The following AGBL1 variants were observed in gnomAD, a reference collection of about 807,000 sequenced individuals.
AGBL1 encodes the protein AGBL carboxypeptidase 1.
AGBL1 carries 130 observed loss-of-function variants against 118.9 expected under a neutral mutation model. The observed-to-expected ratio is 1.09, with a 90% confidence interval of 0.95 to 1.26. The LOEUF (loss-of-function observed/expected upper bound fraction) is 1.26. Among genes scored for constraint, AGBL1 ranks in the 50% most tolerant of loss-of-function variants. The pLI is 0.00. For synonymous variants in AGBL1, 555 were observed against 478.9 expected, an observed-to-expected ratio of 1.16 and a Z score of -2.08; for missense variants, 1,584 against 1,298.1, an observed-to-expected ratio of 1.22 and a Z score of -3.38.
At position 87,002,082 on chromosome 15, in the gene AGBL1, G is replaced by C. The variant is rs563341766; in HGVS notation, c.3323+13994G>C. On this transcript the variant is annotated intron_variant, in intron 24 of 24. Transcript: ENST00000441037. ...CCTATGTCCTCAATGGTATTGCCTAGGTTTTCTTCTAGGGTTTTTATGGTT... is the reference window on the plus strand; with the variant it reads ...CCTATGTCCTCAATGGTATTGCCTACGTTTTCTTCTAGGGTTTTTATGGTT... 4.5e-4 allele frequency among the ~76,000 whole-genome samples: 68 copies of C among 152,120 alleles called. 1 individual carries two copies. In the South Asian group the frequency reaches 0.014, roughly 31 times the overall value.
chr15:86,466,999 T>G (rs963665521), intron 18 of AGBL1, among the ~76,000 whole-genome samples: 2 of 152,248 alleles, frequency 1.3e-5, no homozygotes, highest in African/African-American at 4.8e-5. Flanking sequence ...GCTGGAGCAC[T>G]GTGCTGGGAG....
intron 21 of AGBL1, among the ~76,000 whole-genome samples, chr15:86,661,357 C>G (rs1450501311): frequency 6.6e-6 from 1 of 152,024 alleles, no homozygotes; most frequent in Non-Finnish European, 1.5e-5. Context: ...GAGTCACCTT[C>G]AAGAATTCAG....
At chr15:86,286,457 T>C (rs899176763) in intron 16 of AGBL1, among the ~76,000 whole-genome samples, 1 of 152,008 alleles carries the variant, frequency 6.6e-6, no homozygotes, top group African/African-American at 2.4e-5. Context: ...CATCTCTCCA[T>C]TCCTCCCCCT....
At position 86,527,932 on chromosome 15, in the gene AGBL1, C is replaced by G. The variant is rs1224125825; in HGVS notation, c.2685+4993C>G. ...TCTGTCCATCCACTCACCTAGCCAT[C>G]CATCATCCATTCATCCATCCAACCA... is the stretch of plus-strand genomic sequence containing the variant. On this transcript the variant is annotated intron_variant, in intron 19 of 22. Transcript: ENST00000614907. 2.6e-5 allele frequency among the ~76,000 whole-genome samples: 4 copies of G among 152,208 alleles called. No individual in the cohort carries two copies. The South Asian group carries it at 8.3e-4, about 32-fold the overall frequency.
rs11355715 is a variant in AGBL1, at chr15:86,946,843, CAAAA to C, written c.3222-41129_3222-41126del. On this transcript the variant is annotated intron_variant, in intron 23 of 24. Transcript: ENST00000441037. ...TGGGCAACGAGAGTGAAACTCGGTC[CAAAA>C]AAAAAAAAAAAAAACAAAATAGAAA... Among the ~76,000 whole-genome samples, 8 of 100,148 alleles carry C rather than the reference CAAAA, an allele frequency of 8.0e-5. No individual in the cohort carries two copies. The South Asian group carries it at 2.7e-3, about 33-fold the overall frequency. The allele number at this position is 100,148 out of a possible 152,430, so 65.7% of individuals were successfully genotyped here. A position where few individuals can be genotyped will look rare whatever the true frequency, so the allele number is the denominator to read the frequency against.
chr15:86,965,854 G>C (rs1202334834), intron 23 of AGBL1, among the ~76,000 whole-genome samples: 1 of 152,052 alleles, frequency 6.6e-6, no homozygotes, highest in East Asian at 1.9e-4. Context: ...GGCCTGTCAG[G>C]GGTTGAGGGC....
intron 17 of AGBL1, among the ~76,000 whole-genome samples, chr15:86,300,034 G>A (rs2141793895): frequency 6.6e-6 from 1 of 152,160 alleles, no homozygotes; most frequent in African/African-American, 2.4e-5. Flanking sequence ...GCCTTTGTGT[G>A]GAAATTCCTC....
chr15:86,650,295 A>C (rs1289353878), intron 21 of AGBL1, among the ~76,000 whole-genome samples: 1 of 152,184 alleles, frequency 6.6e-6, no homozygotes, highest in Non-Finnish European at 1.5e-5. Context: ...ATCTTTGGCC[A>C]ATCAGATGAA....
At chr15:86,783,714 C>G (rs1452526096) in intron 22 of AGBL1, among the ~76,000 whole-genome samples, 3 of 152,210 alleles carry the variant, frequency 2.0e-5, no homozygotes, top group African/African-American at 7.2e-5. Context: ...ACTGCAGCCT[C>G]CACCTCCTGG....
chr15:86,671,842 C>G (rs12592038), intron 21 of AGBL1, among the ~76,000 whole-genome samples: 3,855 of 152,226 alleles, frequency 0.025, 154 homozygotes, highest in East Asian at 0.19. Flanking sequence ...CCATTTATCA[C>G]ATACTGAGGA....
At chr15:86,350,714 C>G (rs577776726) in intron 17 of AGBL1, among the ~76,000 whole-genome samples, 2 of 152,252 alleles carry the variant, frequency 1.3e-5, no homozygotes, top group East Asian at 3.9e-4. Context: ...GTTTGGCTAT[C>G]AGAGCTAGAG....
Position 86,546,078 on chromosome 15 carries a change from G to A in AGBL1, c.2762G>A (p.Trp921Ter). Residue 921 changes from tryptophan to a stop codon, truncating the protein, a stop_gained, in exon 20 of 23, where the codon TGG (tryptophan) becomes TAG (stop). Transcript: ENST00000614907. LOFTEE classifies it high-confidence loss of function. ...LYGCSIKETL[W>*]QAACTVGTST... ...GGCTGTAGCATCAAGGAAACCTTGT[G>A]GCAAGCAGCATGCACTGTGGGCACA... The A allele has an allele frequency of 6.2e-7, 1 of 1,613,454 alleles. No individual in the cohort carries two copies. The highest frequency in any genetic ancestry group is 8.5e-7 in the Non-Finnish European group (1 of 1,179,608).
At chr15:86,300,859 A>T (rs1381098546) in intron 17 of AGBL1, among the ~76,000 whole-genome samples, 1 of 152,208 alleles carries the variant, frequency 6.6e-6, no homozygotes, top group Admixed American at 6.5e-5. Context: ...TTGGAAGACA[A>T]TAGCTGTTCT....
At position 86,264,448 on chromosome 15, in the gene AGBL1, T is replaced by C. The variant is rs746426590; in HGVS notation, c.1277T>C (p.Val426Ala). 6 of 1,613,966 alleles carry C rather than the reference T, an allele frequency of 3.7e-6. 1 individual carries two copies. The South Asian group carries it at 6.6e-5, about 18-fold the overall frequency. The change falls in exon 11 of 23, where the codon GTG becomes GCG. Residue 426 changes from valine (V) to alanine (A), a missense_variant. Transcript: ENST00000614907. ...LCRVKTGRST[V>A]HLGSKKNPGV... ...AGGGTGAAGACGGGAAGGTCCACTG[T>C]GCATCTAGGCTCCAAAAAAAATCCT... is the stretch of plus-strand genomic sequence containing the variant.
intron 22 of AGBL1, among the ~76,000 whole-genome samples, chr15:86,882,764 G>A (rs2079914184): frequency 6.6e-6 from 1 of 152,106 alleles, no homozygotes; most frequent in Admixed American, 6.5e-5. Flanking sequence ...ACAACTCACT[G>A]GAGGCATTTT....
At chr15:86,828,564 A>G (rs2079063196) in intron 22 of AGBL1, among the ~76,000 whole-genome samples, 1 of 152,160 alleles carries the variant, frequency 6.6e-6, no homozygotes, top group Non-Finnish European at 1.5e-5. Context: ...CAAGCTGAAT[A>G]ACACCAGGGG....
chr15:86,507,945 T>C (rs1355879983), intron 18 of AGBL1, among the ~76,000 whole-genome samples: 8 of 151,388 alleles, frequency 5.3e-5, no homozygotes, highest in Non-Finnish European at 4.4e-5. Flanking sequence ...TTAATGAAAA[T>C]AGAGAGAGGG....
intron 1 of AGBL1, among the ~76,000 whole-genome samples, chr15:86,112,953 C>T (rs563762777): frequency 6.6e-6 from 1 of 152,202 alleles, no homozygotes; most frequent in African/African-American, 2.4e-5. Context: ...GGAAAATTCC[C>T]CTTAAAACAC....
intron 5 of AGBL1, among the ~76,000 whole-genome samples, chr15:86,221,185 C>CAAAACTCCA (rs2078275048): frequency 6.6e-6 from 1 of 151,610 alleles, no homozygotes; most frequent in Non-Finnish European, 1.5e-5. Context: ...GGGACAAGTG[C>CAAAACTCCA]AAAACTCCAT....
Sources: gnomAD v4.1 joint callset for allele counts (sites outside exome capture counted in the v4.1 genomes callset) on GRCh38, gnomAD v4.1.1 for gene constraint, MANE v1.5 for transcripts, NCBI Gene and HGNC (gene_info 2026-07-23, HGNC 2026-07-21) for gene names.